The following MIPEP variants were observed in gnomAD, a reference collection of about 807,000 sequenced individuals.
MIPEP encodes mitochondrial intermediate peptidase.
Under a neutral mutation model 90.3 loss-of-function variants are expected in MIPEP, and 79 were observed. The observed-to-expected ratio is 0.87, with a 90% CI of 0.73 to 1.05. The LOEUF is 1.05. Among genes scored for constraint, MIPEP ranks in the 50% least tolerant of loss-of-function variants. The probability of loss-of-function intolerance (pLI) is 0.00; values close to 1 mark genes in which losing one functional copy is unlikely to be tolerated. For missense variants in MIPEP, 940 were observed against 905.6 expected, an observed-to-expected ratio of 1.04 and a Z score of -0.49; for synonymous variants, 334 against 315.8, an observed-to-expected ratio of 1.06 and a Z score of -0.61.
rs537135927 is a variant in MIPEP at position 23,752,780 on chromosome 13, T to C, written c.2044+3765A>G. 2.8e-3 allele frequency among the ~76,000 whole-genome samples: 434 copies of C among 152,312 alleles called. 2 individuals are homozygous for C. Among genetic ancestry groups the C allele is most frequent in the Non-Finnish European group, 4.9e-3 (334 of 68,032 alleles). ...TGTGTTTAGTGGAGGATTAAGTGAC[T>C]GAATGTCATGCCTATAATATATATA... On this transcript the variant is annotated intron_variant, in intron 18 of 18. Coordinates refer to ENST00000382172, the MANE Select transcript of MIPEP (RefSeq NM_005932.4).
chr13:23,778,394 T>C (rs1189003685), intron 16 of MIPEP, among the ~76,000 whole-genome samples: 1 of 152,118 alleles, frequency 6.6e-6, no homozygotes, highest in East Asian at 1.9e-4. Context: ...TTCTAGCACA[T>C]TAATAATCAC....
At position 23,854,509 on chromosome 13, in the gene MIPEP, G is replaced by A. The variant is rs114903729; in HGVS notation, c.1106+4351C>T. ...ACACAAAACATCTGTATTTCATTAT[G>A]TGAATGCGCTTGAGATTTTAAGAAT... On this transcript the variant is annotated intron_variant, in intron 10 of 18. Transcript: ENST00000382172. Among the ~76,000 whole-genome samples, 1,226 of 152,190 alleles carry A rather than the reference G, an allele frequency of 8.1e-3. 27 individuals carry two copies. Among genetic ancestry groups the A allele is most frequent in the African/African-American group, 0.028 (1,152 of 41,518 alleles).
intron 18 of MIPEP, among the ~76,000 whole-genome samples, chr13:23,743,883 C>T (rs1457533015): frequency 6.6e-6 from 1 of 152,182 alleles, no homozygotes; most frequent in Non-Finnish European, 1.5e-5. Context: ...TTTCTTTCTT[C>T]CAAAAAGCTT....
At chr13:23,815,617 A>C (rs1446002620) in intron 14 of MIPEP, among the ~76,000 whole-genome samples, 1 of 151,982 alleles carries the variant, frequency 6.6e-6, no homozygotes, top group African/African-American at 2.4e-5. Flanking sequence ...CCTATTTTTA[A>C]TTTTTTTCAT....
intron 10 of MIPEP, 105 bp downstream of exon 10, chr13:23,858,755 G>C (rs1418433929): frequency 4.5e-6 from 4 of 896,086 alleles, no homozygotes; most frequent in Non-Finnish European, 7.3e-6. Context: ...ATGGTGTCAG[G>C]GGAAGGGTTT....
chr13:23,732,190 T>C (rs1038623317), intron 18 of MIPEP, among the ~76,000 whole-genome samples: 4 of 151,970 alleles, frequency 2.6e-5, no homozygotes, highest in African/African-American at 9.7e-5. Context: ...GGTCTTGTCA[T>C]GTTGCCCAGG....
intron 16 of MIPEP, among the ~76,000 whole-genome samples, chr13:23,803,976 G>A (rs1438226931): frequency 1.3e-5 from 2 of 152,114 alleles, no homozygotes; most frequent in African/African-American, 4.8e-5. Flanking sequence ...TACTGAACGT[G>A]AATTGTGGAG....
chr13:23,887,472 G>C (rs1871547809), intron 1 of MIPEP, among the ~76,000 whole-genome samples: 3 of 152,102 alleles, frequency 2.0e-5, no homozygotes, highest in Non-Finnish European at 4.4e-5. Flanking sequence ...AATTAATATT[G>C]GGAAAGACAG....
At chr13:23,779,335 C>T (rs1952751877) in intron 16 of MIPEP, among the ~76,000 whole-genome samples, 2 of 152,150 alleles carry the variant, frequency 1.3e-5, no homozygotes, top group South Asian at 2.1e-4. Flanking sequence ...GAATTTCCAG[C>T]CACAAAAATC....
At chr13:23,743,863 C>T (rs941786746) in intron 18 of MIPEP, among the ~76,000 whole-genome samples, 7 of 152,180 alleles carry the variant, frequency 4.6e-5, no homozygotes, top group East Asian at 1.9e-4. Context: ...AACGCAGGTG[C>T]TCCTTTCCAT....
intron 13 of MIPEP, among the ~76,000 whole-genome samples, chr13:23,836,948 A>G (rs1238711853): frequency 6.6e-6 from 1 of 152,222 alleles, no homozygotes; most frequent in Non-Finnish European, 1.5e-5. Context: ...TTAGTTAACA[A>G]ATGCTGGATG....
intron 2 of MIPEP, among the ~76,000 whole-genome samples, 176 bp downstream of exon 2, chr13:23,886,156 AT>A (rs1360098444): frequency 2.6e-5 from 4 of 152,096 alleles, no homozygotes; most frequent in Admixed American, 6.5e-5. Context: ...TTCCTATAAT[AT>A]TTTCCCATTC....
intron 18 of MIPEP, among the ~76,000 whole-genome samples, chr13:23,742,885 C>T (rs1026873343): frequency 6.6e-6 from 1 of 152,174 alleles, no homozygotes; most frequent in African/African-American, 2.4e-5. Flanking sequence ...GATGGCTCCA[C>T]AGCATTGTAA....
intron 16 of MIPEP, among the ~76,000 whole-genome samples, chr13:23,805,147 C>A (rs1953093717): frequency 6.6e-6 from 1 of 152,204 alleles, no homozygotes; most frequent in African/African-American, 2.4e-5. Flanking sequence ...GTGTGAACCA[C>A]GTTTCTATCA....
chr13:23,878,083 T>C (rs999230726), intron 4 of MIPEP, among the ~76,000 whole-genome samples: 1 of 152,246 alleles, frequency 6.6e-6, no homozygotes, highest in Non-Finnish European at 1.5e-5. Context: ...AACAGGGGCA[T>C]GTCGATCTTC....
intron 1 of MIPEP, chr13:23,888,238 C>A: frequency 3.5e-6 from 1 of 289,190 alleles, no homozygotes; most frequent in Non-Finnish European, 6.8e-6. Flanking sequence ...ACACTACATA[C>A]CCTTAAGGAA....
intron 10 of MIPEP, among the ~76,000 whole-genome samples, chr13:23,845,541 G>A (rs1156716820): frequency 6.6e-6 from 1 of 152,130 alleles, no homozygotes; most frequent in Non-Finnish European, 1.5e-5. Context: ...TTTAACTGAC[G>A]GTAAGCTGCT....
chr13:23,756,435 G>T, intron 18 of MIPEP, 110 bp downstream of exon 18: 1 of 1,137,612 alleles, frequency 8.8e-7, no homozygotes, highest in Non-Finnish European at 1.3e-6. Context: ...GGGATTACAG[G>T]CATGAACCAC....
At chr13:23,733,333 T>C (rs1324235593) in intron 18 of MIPEP, among the ~76,000 whole-genome samples, 1 of 152,136 alleles carries the variant, frequency 6.6e-6, no homozygotes, top group African/African-American at 2.4e-5. Flanking sequence ...CCTGGGGAAA[T>C]GCACAATGTA....
Sources: gnomAD v4.1 joint callset for allele counts (sites outside exome capture counted in the v4.1 genomes callset) on GRCh38, gnomAD v4.1.1 for gene constraint, MANE v1.5 for transcripts, NCBI Gene and HGNC (gene_info 2026-07-23, HGNC 2026-07-21) for gene names.